APBA1: variants seen among roughly 807,000 people sequenced by gnomAD.
APBA1 encodes the protein amyloid beta precursor protein binding family A member 1, also known as amyloid-beta A4 precursor protein-binding family A member 1.
A neutral mutation model predicts 86.6 loss-of-function variants in APBA1; 55 were observed. The ratio of observed to expected loss-of-function variants is 0.64; its 90% CI spans 0.51 to 0.80. The LOEUF (loss-of-function observed/expected upper bound fraction) is 0.80, where lower values mean the gene tolerates loss of function less well. APBA1 is among the 30% of genes least tolerant of loss of function. The pLI is 0.00. For missense variants in APBA1, 1,090 were observed against 1,183.0 expected (o/e 0.92, Z 1.15); for synonymous variants, 511 against 493.9 (o/e 1.03, Z -0.46).
At chr9:69,482,801 A>T (rs1835537323) in intron 2 of APBA1, among the ~76,000 whole-genome samples, 5 of 151,934 alleles carry the variant, frequency 3.3e-5, no homozygotes, top group South Asian at 4.2e-4. Context: ...GCCATAAAAA[A>T]TGATGAGTTC....
intron 10 of APBA1, among the ~76,000 whole-genome samples, chr9:69,448,456 A>C (rs2133804732): frequency 6.6e-6 from 1 of 152,376 alleles, no homozygotes; most frequent in East Asian, 1.9e-4. Flanking sequence ...AGAAAAAGAA[A>C]TTAAAGGAGG....
intron 2 of APBA1, among the ~76,000 whole-genome samples, chr9:69,511,515 C>T (rs1180945066): frequency 2.6e-5 from 4 of 151,860 alleles, no homozygotes; most frequent in Admixed American, 1.3e-4. Context: ...GTCAGTGTGG[C>T]GATTCCTCAG....
intron 1 of APBA1, among the ~76,000 whole-genome samples, chr9:69,619,905 G>A (rs758697285): frequency 4.6e-5 from 7 of 152,022 alleles, no homozygotes; most frequent in South Asian, 2.1e-4. Context: ...TTCCATGTTC[G>A]CACAGCCAGC....
chr9:69,488,413 T>C (rs1835646497), intron 2 of APBA1, among the ~76,000 whole-genome samples: 1 of 152,134 alleles, frequency 6.6e-6, no homozygotes, highest in Non-Finnish European at 1.5e-5. Flanking sequence ...CAGTTGGAAC[T>C]ACAACCTAGA....
intron 1 of APBA1, among the ~76,000 whole-genome samples, chr9:69,639,946 A>G (rs925042856): frequency 6.6e-6 from 1 of 152,152 alleles, no homozygotes; most frequent in Non-Finnish European, 1.5e-5. Flanking sequence ...TCTGTCTACT[A>G]ATTTATATAA....
chr9:69,439,476 T>TGGGA (rs2133790828), intron 11 of APBA1, among the ~76,000 whole-genome samples: 1 of 150,662 alleles, frequency 6.6e-6, no homozygotes. Flanking sequence ...TTTGTTCCTA[T>TGGGA]CTATCTATCT....
At position 69,590,744 on chromosome 9, in the gene APBA1, C is replaced by T. The variant is rs141314836; in HGVS notation, c.-69-73465G>A. The stretch of plus-strand genomic sequence containing the variant: ...GTCTTTTTCTGGCCATGTGCATACA[C>T]TGTGCTTCCCCTGGCTTCTCACTCC... On this transcript the variant is annotated intron_variant, in intron 1 of 12. Transcript: ENST00000265381. Among the ~76,000 whole-genome samples, 30 of 152,326 alleles carry T rather than the reference C, an allele frequency of 2.0e-4. No individual in the cohort carries two copies. The East Asian group carries it at 5.4e-3, about 27-fold the overall frequency.
At chr9:69,654,094 G>A (rs1417804208) in intron 1 of APBA1, among the ~76,000 whole-genome samples, 4 of 129,614 alleles carry the variant, frequency 3.1e-5, no homozygotes, top group African/African-American at 1.2e-4. Flanking sequence ...CCTCGGCAAC[G>A]AGAGCGAAAC....
intron 1 of APBA1, among the ~76,000 whole-genome samples, chr9:69,637,198 G>A (rs1210896364): frequency 3.3e-5 from 5 of 152,094 alleles, no homozygotes; most frequent in African/African-American, 9.7e-5. Context: ...ATAGAGAATA[G>A]AATGAAAGCT....
chr9:69,606,291 AAT>A (rs904988198), intron 1 of APBA1, among the ~76,000 whole-genome samples: 5 of 152,178 alleles, frequency 3.3e-5, no homozygotes, highest in Non-Finnish European at 5.9e-5. Flanking sequence ...AGGGAACTAG[AAT>A]ATGTGACATT....
rs758511173 is a variant in APBA1 at position 69,516,416 on chromosome 9, C to T, written c.795G>A (p.Glu265=). Residue 265 remains glutamate (E), a synonymous_variant, in exon 2 of 13, where the codon GAG becomes GAA. Coordinates refer to ENST00000265381, the MANE Select transcript of APBA1 (RefSeq NM_001163.4). This position sits in a 1 kb window ranked among gnomAD's most constrained non-coding sequence, Gnocchi z 7.3. ...CTATCTGGTCGATGTCCTCCTCCTGCTCGTAGCTGTCCATGCGCGGGTAGG... is the reference window on the plus strand; with the variant it reads ...CTATCTGGTCGATGTCCTCCTCCTGTTCGTAGCTGTCCATGCGCGGGTAGG... ...FAPYPRMDSY[E]QEEDIDQIVA... is the part of the protein sequence containing the mutation. The T allele has an allele frequency of 6.2e-6, 10 of 1,604,944 alleles. No homozygotes were observed. The highest frequency in any genetic ancestry group is 8.5e-6 in the Non-Finnish European group (10 of 1,178,758).
intron 1 of APBA1, among the ~76,000 whole-genome samples, chr9:69,579,272 G>A (rs1047797572): frequency 1.3e-5 from 2 of 152,052 alleles, no homozygotes; most frequent in African/African-American, 2.4e-5. Context: ...GGCCTGCACC[G>A]GGAGCAGCAC....
At chr9:69,560,828 A>C (rs1160377825) in intron 1 of APBA1, among the ~76,000 whole-genome samples, 1 of 152,206 alleles carries the variant, frequency 6.6e-6, no homozygotes. Context: ...GTCAGTCCTC[A>C]AAAAGTTTTA....
chr9:69,539,508 T>C (rs920849299), intron 1 of APBA1, among the ~76,000 whole-genome samples: 2 of 152,204 alleles, frequency 1.3e-5, no homozygotes, highest in African/African-American at 4.8e-5. Flanking sequence ...ATTCCTTCCA[T>C]TGCAACCACC....
chr9:69,637,361 G>C (rs890091611), intron 1 of APBA1, among the ~76,000 whole-genome samples: 28 of 152,052 alleles, frequency 1.8e-4, no homozygotes, highest in Non-Finnish European at 2.9e-5. Context: ...AAGTAACAAA[G>C]ACACTATAAT....
intron 1 of APBA1, among the ~76,000 whole-genome samples, chr9:69,559,436 AT>A (rs1836915197): frequency 6.6e-6 from 1 of 152,110 alleles, no homozygotes; most frequent in African/African-American, 2.4e-5. Flanking sequence ...ATCCCTATTA[AT>A]TTAGCCTATT....
intron 1 of APBA1, among the ~76,000 whole-genome samples, chr9:69,522,447 C>T (rs767998263): frequency 6.6e-6 from 1 of 152,118 alleles, no homozygotes. Context: ...TCTTCTAATG[C>T]TTTAAGTGCC....
At chr9:69,460,648 C>T (rs970670159) in intron 5 of APBA1, 1 of 151,290 alleles carries the variant, frequency 6.6e-6, no homozygotes, top group South Asian at 2.1e-4. Flanking sequence ...CACTGGAGTA[C>T]CCAAATTCTT....
At chr9:69,484,749 G>A (rs1835579094) in intron 2 of APBA1, among the ~76,000 whole-genome samples, 1 of 151,980 alleles carries the variant, frequency 6.6e-6, no homozygotes, top group Non-Finnish European at 1.5e-5. Context: ...TCCTCCAACT[G>A]CCTCGCCTTG....
Sources: allele counts gnomAD v4.1 joint callset (sites outside exome capture counted in the v4.1 genomes callset), GRCh38; gene constraint gnomAD v4.1.1; non-coding constraint Gnocchi (gnomAD v3.1); transcripts MANE v1.5; gene names NCBI Gene and HGNC (gene_info 2026-07-23, HGNC 2026-07-21).